CADM2: variants seen among roughly 807,000 people sequenced by gnomAD.
CADM2 encodes cell adhesion molecule 2.
In CADM2, 12 loss-of-function variants were observed where a neutral mutation model predicts 49.8. The observed-to-expected ratio is 0.24, with a 90% CI of 0.15 to 0.39. The LOEUF (loss-of-function observed/expected upper bound fraction) is 0.39. CADM2 is among the 10% of genes least tolerant of loss of function. CADM2 has a pLI of 1.00. For missense variants in CADM2, 378 were observed against 492.3 expected (o/e 0.77, Z 2.20); for synonymous variants, 214 against 175.4 (o/e 1.22, Z -1.74).
At chr3:85,801,636 G>A (rs886083757) in intron 2 of CADM2, among the ~76,000 whole-genome samples, 1 of 151,992 alleles carries the variant, frequency 6.6e-6, no homozygotes, top group Non-Finnish European at 1.5e-5. Context: ...AAAGCTACCA[G>A]GGAAATATTT....
intron 3 of CADM2, among the ~76,000 whole-genome samples, chr3:85,850,878 T>C (rs766654739): frequency 1.3e-5 from 2 of 152,188 alleles, no homozygotes; most frequent in African/African-American, 2.4e-5. Context: ...ATATAGTCAC[T>C]CTGTCTTGCT....
intron 1 of CADM2, among the ~76,000 whole-genome samples, chr3:85,415,141 A>T (rs559361703): frequency 6.6e-6 from 1 of 152,146 alleles, no homozygotes; most frequent in African/African-American, 2.4e-5. Context: ...AACTGTATAT[A>T]TGTAAATAAT....
intron 2 of CADM2, among the ~76,000 whole-genome samples, chr3:85,780,201 C>G (rs753339454): frequency 9.6e-4 from 146 of 152,074 alleles, no homozygotes; most frequent in Non-Finnish European, 1.3e-3. Context: ...AAGGGTGTGA[C>G]TAGTAGGCCG....
intron 1 of CADM2, among the ~76,000 whole-genome samples, chr3:85,107,860 C>A (rs1432466433): frequency 6.6e-6 from 1 of 151,662 alleles, no homozygotes; most frequent in Non-Finnish European, 1.5e-5. Context: ...CCATCACACC[C>A]AGCTAATTTT....
intron 1 of CADM2, among the ~76,000 whole-genome samples, chr3:85,114,345 T>C (rs1488236225): frequency 6.6e-6 from 1 of 151,822 alleles, no homozygotes; most frequent in Non-Finnish European, 1.5e-5. Context: ...ATCCTCAGAG[T>C]AGGTGTGGGT....
At chr3:85,508,629 C>G (rs887990103) in intron 1 of CADM2, among the ~76,000 whole-genome samples, 1 of 152,008 alleles carries the variant, frequency 6.6e-6, no homozygotes, top group Admixed American at 6.6e-5. Flanking sequence ...ATTAGTATCT[C>G]CTTATCTGAG....
chr3:85,604,890 A>T (rs143590793), intron 1 of CADM2, among the ~76,000 whole-genome samples: 4 of 152,124 alleles, frequency 2.6e-5, no homozygotes, highest in South Asian at 2.1e-4. Flanking sequence ...ATCATATAAT[A>T]GATGGCTTTC....
intron 2 of CADM2, among the ~76,000 whole-genome samples, chr3:85,782,763 G>A (rs1440307687): frequency 6.6e-6 from 1 of 151,812 alleles, no homozygotes; most frequent in Non-Finnish European, 1.5e-5. Context: ...AACTTGCTTA[G>A]AAACAATACA....
At chr3:85,630,684 T>C (rs958897485) in intron 1 of CADM2, among the ~76,000 whole-genome samples, 1 of 152,070 alleles carries the variant, frequency 6.6e-6, no homozygotes, top group Non-Finnish European at 1.5e-5. Flanking sequence ...AAAATTTGTA[T>C]CAAGAATTAC....
chr3:85,854,156 GC>G (rs2075215423), intron 3 of CADM2, among the ~76,000 whole-genome samples: 1 of 152,052 alleles, frequency 6.6e-6, no homozygotes, highest in Non-Finnish European at 1.5e-5. Context: ...ATTTATCCTG[GC>G]CATTCAGTAA....
chr3:85,544,879 G>A (rs1468191360), intron 1 of CADM2, among the ~76,000 whole-genome samples: 1 of 151,898 alleles, frequency 6.6e-6, no homozygotes, highest in Admixed American at 6.6e-5. Flanking sequence ...AAGGAGAGGA[G>A]AGGAGAAAGG....
chr3:85,525,052 C>T (rs927610357), intron 1 of CADM2, among the ~76,000 whole-genome samples: 21 of 152,154 alleles, frequency 1.4e-4, no homozygotes, highest in African/African-American at 4.8e-4. Context: ...AAATACATAA[C>T]GTAGATGACA....
intron 3 of CADM2, among the ~76,000 whole-genome samples, chr3:85,881,374 T>C (rs543828328): frequency 1.3e-5 from 2 of 152,294 alleles, no homozygotes; most frequent in African/African-American, 4.8e-5. Flanking sequence ...AATATTTGAT[T>C]CATCTCAGTA....
At chr3:85,725,794 G>A (rs2067676097) in intron 1 of CADM2, among the ~76,000 whole-genome samples, 1 of 152,004 alleles carries the variant, frequency 6.6e-6, no homozygotes, top group Non-Finnish European at 1.5e-5. Context: ...CAAAATTGCT[G>A]GAGTTTAGTG....
chr3:85,554,559 G>A (rs1047941795), intron 1 of CADM2, among the ~76,000 whole-genome samples: 1 of 152,176 alleles, frequency 6.6e-6, no homozygotes, highest in Non-Finnish European at 1.5e-5. Context: ...AAGTAGAGAT[G>A]TACAGGATGA....
intron 3 of CADM2, among the ~76,000 whole-genome samples, chr3:85,851,506 A>AT (rs944632149): frequency 9.9e-5 from 15 of 152,080 alleles, no homozygotes; most frequent in African/African-American, 3.6e-4. Context: ...TTTTTAAAAT[A>AT]CAAAGAAAAT....
At chr3:85,248,411 A>G (rs2042699088) in intron 1 of CADM2, among the ~76,000 whole-genome samples, 1 of 152,052 alleles carries the variant, frequency 6.6e-6, no homozygotes, top group South Asian at 2.1e-4. Flanking sequence ...AGTAGCTGGG[A>G]TTACAGATGC....
intron 1 of CADM2, among the ~76,000 whole-genome samples, chr3:85,436,739 G>A (rs78664701): frequency 0.044 from 6,625 of 152,210 alleles, 496 homozygotes; most frequent in African/African-American, 0.15. Flanking sequence ...TAAGCAGAAA[G>A]TGCTAAGATT....
Position 86,023,393 on chromosome 3 carries a change from T to A in CADM2, c.971-42212T>A, listed in dbSNP as rs1001376275. On this transcript the variant is annotated intron_variant, in intron 8 of 9. Coordinates refer to ENST00000383699, the MANE Select transcript of CADM2 (RefSeq NM_001167675.2). ...GTTTGTTTTGTTTTGTTTTGTTTTG[T>A]TTTTTTGAGACAGAGTTTTGCTCTT... Among the ~76,000 whole-genome samples, 10 of 144,964 alleles carry A rather than the reference T, an allele frequency of 6.9e-5. No individual in the cohort carries two copies. The East Asian group carries it at 1.2e-3, about 17-fold the overall frequency.
Sources: gnomAD v4.1 joint callset for allele counts (sites outside exome capture counted in the v4.1 genomes callset) on GRCh38, gnomAD v4.1.1 for gene constraint, MANE v1.5 for transcripts, NCBI Gene and HGNC (gene_info 2026-07-23, HGNC 2026-07-21) for gene names.